SLC9B2: variants seen among roughly 807,000 people sequenced by gnomAD.
SLC9B2 encodes sodium/hydrogen exchanger 9B2.
A neutral mutation model predicts 52.2 loss-of-function variants in SLC9B2; 39 were observed. That is an observed-to-expected ratio of 0.75 (90% CI 0.58 to 0.98). The LOEUF is 0.98. Ranked by LOEUF, SLC9B2 falls within the 50% of genes least tolerant of loss-of-function variation. The pLI is 0.00. For missense variants in SLC9B2, 626 were observed against 637.5 expected (o/e 0.98, Z 0.19); for synonymous variants, 214 against 227.0 (o/e 0.94, Z 0.51).
intron 9 of SLC9B2, among the ~76,000 whole-genome samples, chr4:103,035,888 G>A (rs953364595): frequency 6.6e-6 from 1 of 152,068 alleles, no homozygotes; most frequent in Non-Finnish European, 1.5e-5. Flanking sequence ...GCCCATCAAC[G>A]GTAGACTAGA....
At chr4:103,077,018 T>C (rs1473145865), upstream of SLC9B2, 2 of 152,228 alleles carry the variant, frequency 1.3e-5, no homozygotes, top group Non-Finnish European at 2.9e-5. Flanking sequence ...CTGCCCTTCT[T>C]GTTGTATTTT....
Position 103,024,779 on chromosome 4 carries a change from C to A in SLC9B2, c.*1591G>T, listed in dbSNP as rs571332033. The stretch of plus-strand genomic sequence containing the variant: ...GTGAATGTGATTATTTCAGTAACTA[C>A]ACAGAAGATGACCTAGAGTGAAGAG... On this transcript the variant is annotated 3_prime_UTR_variant, in exon 12 of 12. Transcript: ENST00000394785. Among the ~76,000 whole-genome samples the A allele has an allele frequency of 1.3e-5, 2 of 152,228 alleles. No homozygotes were observed. The highest frequency in any genetic ancestry group is 4.2e-4 in the South Asian group (2 of 4,818).
intron 1 of SLC9B2, among the ~76,000 whole-genome samples, chr4:103,071,792 T>C (rs1746660238): frequency 6.6e-6 from 1 of 152,152 alleles, no homozygotes. Flanking sequence ...ATTAGAGATG[T>C]GAGCCACCCT....
At chr4:103,058,835 G>A (rs545774556) in intron 3 of SLC9B2, among the ~76,000 whole-genome samples, 4 of 152,162 alleles carry the variant, frequency 2.6e-5, no homozygotes, top group East Asian at 1.9e-4. Flanking sequence ...GTCAAGGCAG[G>A]AGGATTGCTT....
downstream of SLC9B2, chr4:103,020,228 T>C: frequency 2.5e-6 from 1 of 399,546 alleles, no homozygotes; most frequent in South Asian, 1.8e-5. Context: ...CTTAATATAC[T>C]GTTATCAGTA....
intron 9 of SLC9B2, among the ~76,000 whole-genome samples, chr4:103,032,270 T>C (rs549188710): frequency 6.6e-6 from 1 of 152,254 alleles, no homozygotes; most frequent in South Asian, 2.1e-4. Context: ...AGAAGTACCA[T>C]AGTTTATTCA....
intron 9 of SLC9B2, among the ~76,000 whole-genome samples, chr4:103,040,548 T>C (rs1020937914): frequency 3.3e-5 from 5 of 152,212 alleles, no homozygotes; most frequent in Non-Finnish European, 7.3e-5. Context: ...AGGCTGTGTA[T>C]AAAAGATAAG....
At chr4:103,029,904 G>A (rs1253742669) in intron 10 of SLC9B2, among the ~76,000 whole-genome samples, 4 of 152,134 alleles carry the variant, frequency 2.6e-5, no homozygotes, top group African/African-American at 9.7e-5. Context: ...TTCAAAGGGC[G>A]GGTAAAACAT....
At chr4:103,040,890 C>A (rs1743577948) in intron 9 of SLC9B2, among the ~76,000 whole-genome samples, 1 of 152,118 alleles carries the variant, frequency 6.6e-6, no homozygotes, top group African/African-American at 2.4e-5. Flanking sequence ...AATTCTCAAG[C>A]CCCACCACAG....
At chr4:103,040,944 A>T (rs1352161448) in intron 9 of SLC9B2, among the ~76,000 whole-genome samples, 1 of 152,214 alleles carries the variant, frequency 6.6e-6, no homozygotes, top group Non-Finnish European at 1.5e-5. Context: ...CTCAAATTTA[A>T]CAATCCTTCT....
intron 6 of SLC9B2, among the ~76,000 whole-genome samples, chr4:103,048,089 A>G (rs528581082): frequency 1.3e-5 from 2 of 152,320 alleles, no homozygotes; most frequent in African/African-American, 4.8e-5. Context: ...GCTATGTCAA[A>G]TAAGGCAACA....
At position 103,024,092 on chromosome 4, in the gene SLC9B2, A is replaced by G. The variant is rs1038091704; in HGVS notation, c.*2278T>C. ...GTGCTCCTGCCATGAGCTCCCTAGCAGCCCTGTAGTTCCTGCATAATAGCA... is the reference window on the plus strand; with the variant it reads ...GTGCTCCTGCCATGAGCTCCCTAGCGGCCCTGTAGTTCCTGCATAATAGCA... On this transcript the variant is annotated 3_prime_UTR_variant, in exon 12 of 12. Coordinates refer to ENST00000394785, the MANE Select transcript of SLC9B2 (RefSeq NM_178833.7). Among the ~76,000 whole-genome samples, 2 of 152,166 alleles carry G rather than the reference A, an allele frequency of 1.3e-5. No homozygotes were observed. Among genetic ancestry groups the G allele is most frequent in the Non-Finnish European group, 2.9e-5 (2 of 68,036 alleles).
intron 4 of SLC9B2, among the ~76,000 whole-genome samples, chr4:103,056,391 G>T (rs767585806): frequency 6.6e-6 from 1 of 152,062 alleles, no homozygotes; most frequent in Non-Finnish European, 1.5e-5. Context: ...GGGATTACAG[G>T]CACCCGCCAC....
At chr4:103,020,637 A>C (rs1227344483), downstream of SLC9B2, among the ~76,000 whole-genome samples, 1 of 151,940 alleles carries the variant, frequency 6.6e-6, no homozygotes, top group East Asian at 1.9e-4. Flanking sequence ...TTATCTTTTT[A>C]TTGGTTTTGT....
chr4:103,066,212 T>C, intron 3 of SLC9B2, 115 bp downstream of exon 3: 1 of 1,229,046 alleles, frequency 8.1e-7, no homozygotes, highest in Non-Finnish European at 1.1e-6. Flanking sequence ...GTTCACCAAC[T>C]AGTTTTTATG....
rs377486948 is a variant in SLC9B2, at chr4:103,061,252, ACCAAG to A, written c.272-3286_272-3282del. ...CTATTCACAATAGCAAAGACTTGGA[ACCAAG>A]CCAAATGTCCAACAATGATAGACTG... is the stretch of plus-strand genomic sequence containing the variant. On this transcript the variant is annotated intron_variant, in intron 3 of 11. Transcript: ENST00000394785. Among the ~76,000 whole-genome samples the A allele has an allele frequency of 7.1e-3, 1,085 of 152,340 alleles. 17 individuals are homozygous for A. Among genetic ancestry groups the A allele is most frequent in the African/African-American group, 0.025 (1,026 of 41,578 alleles).
chr4:103,059,714 T>A (rs965476135), intron 3 of SLC9B2, among the ~76,000 whole-genome samples: 10 of 152,166 alleles, frequency 6.6e-5, no homozygotes, highest in African/African-American at 2.4e-4. Context: ...CAGGAAAAAT[T>A]ATACACAAAA....
Position 103,066,393 on chromosome 4 carries a change from C to T in SLC9B2, c.205G>A (p.Val69Ile), listed in dbSNP as rs746783573. The T allele has an allele frequency of 5.3e-5, 85 of 1,613,964 alleles. No individual in the cohort carries two copies. In the Middle Eastern group the frequency reaches 1.3e-3, roughly 25 times the overall value. ...GCCAGCATTTGTCTCAGTCTTTGTACGTGATTTGCTTCAGTTGGTGTTTCT... is the reference window on the plus strand; with the variant it reads ...GCCAGCATTTGTCTCAGTCTTTGTATGTGATTTGCTTCAGTTGGTGTTTCT... ...LQETPTEANHVQRLRQMLACP... is the reference protein window; with the variant it reads ...LQETPTEANHIQRLRQMLACP... The change falls in exon 3 of 12, where the codon GTA becomes ATA. Residue 69 changes from valine (V) to isoleucine (I), a missense_variant. Coordinates refer to ENST00000394785, the MANE Select transcript of SLC9B2 (RefSeq NM_178833.7).
chr4:103,052,905 C>T (rs1171142050), intron 4 of SLC9B2, among the ~76,000 whole-genome samples: 2 of 152,068 alleles, frequency 1.3e-5, no homozygotes, highest in African/African-American at 2.4e-5. Context: ...CCCTGGGACA[C>T]TGTTTCCTTT....
Sources: allele counts gnomAD v4.1 joint callset (sites outside exome capture counted in the v4.1 genomes callset), GRCh38; gene constraint gnomAD v4.1.1; transcripts MANE v1.5; gene names NCBI Gene and HGNC (gene_info 2026-07-23, HGNC 2026-07-21).